CNTN3: variants seen among roughly 807,000 people sequenced by gnomAD.
CNTN3 encodes contactin-3.
In CNTN3, 60 loss-of-function variants were observed where a neutral mutation model predicts 119.1. The observed-to-expected ratio is 0.50, with a 90% CI of 0.41 to 0.62. The LOEUF is 0.62. Ranked by LOEUF, CNTN3 falls within the 20% of genes least tolerant of loss-of-function variation. The pLI, the probability that CNTN3 is intolerant of heterozygous loss-of-function variation, is 0.00. For missense variants in CNTN3, 1,101 were observed against 1,242.4 expected (o/e 0.89, Z 1.71); for synonymous variants, 450 against 438.7 (o/e 1.03, Z -0.32).
chr3:74,299,518 A>G (rs770372359), intron 17 of CNTN3, among the ~76,000 whole-genome samples: 1 of 152,218 alleles, frequency 6.6e-6, no homozygotes, highest in Non-Finnish European at 1.5e-5. Flanking sequence ...ATGTCTACCA[A>G]CCAGGTGACC....
rs550648513 is a variant in CNTN3, at chr3:74,327,259, G to C, written c.1668+7476C>G. 3.3e-5 allele frequency among the ~76,000 whole-genome samples: 5 copies of C among 151,944 alleles called. No individual in the cohort carries two copies. In the South Asian group the frequency reaches 1.0e-3, roughly 32 times the overall value. ...TTGTCCTGGCTCAGCCTCTCGAGTA[G>C]CTGTGATTACAGGCATGTGCCACCA... On this transcript the variant is annotated intron_variant, in intron 13 of 22. Transcript: ENST00000263665.
intron 1 of CNTN3, among the ~76,000 whole-genome samples, chr3:74,546,228 C>A (rs759906181): frequency 1.3e-5 from 2 of 152,162 alleles, no homozygotes; most frequent in Admixed American, 6.5e-5. Flanking sequence ...ATCTCTTGAC[C>A]TCATGATCAG....
chr3:74,570,099 G>A (rs1232910740), intron 1 of CNTN3, among the ~76,000 whole-genome samples: 2 of 152,086 alleles, frequency 1.3e-5, no homozygotes, highest in East Asian at 1.9e-4. Context: ...ACAAGGGTGG[G>A]CTTGCCTGGA....
intron 13 of CNTN3, among the ~76,000 whole-genome samples, chr3:74,331,223 A>G (rs1703256691): frequency 1.3e-5 from 2 of 152,068 alleles, no homozygotes; most frequent in African/African-American, 4.8e-5. Context: ...CTTTTTGAAA[A>G]TCCTTTATGC....
At chr3:74,524,311 T>C (rs1703584750) in intron 1 of CNTN3, among the ~76,000 whole-genome samples, 1 of 151,838 alleles carries the variant, frequency 6.6e-6, no homozygotes, top group Non-Finnish European at 1.5e-5. Flanking sequence ...GTGGAGGTGG[T>C]GATGAGATTG....
chr3:74,371,211 C>T lies in CNTN3; in HGVS notation c.643G>A (p.Val215Met). 1.2e-6 allele frequency: 2 copies of T among 1,613,002 alleles called. No individual in the cohort carries two copies. The highest frequency in any genetic ancestry group is 1.7e-6 in the Non-Finnish European group (2 of 1,179,330). ...GTTTCATTACCATCAGAACGTAGCA[C>T]CAAAGGAGTTGGAGAGCCCAGCACT... ...ARVLGSPTPLVLRSDGVMGEY... is the reference protein window; with the variant it reads ...ARVLGSPTPLMLRSDGVMGEY... Residue 215 changes from valine to methionine, a missense_variant, in exon 6 of 23, where the codon GTG (valine) becomes ATG (methionine). By Grantham distance (21) the Val-to-Met change is conservative. Coordinates refer to ENST00000263665, the MANE Select transcript of CNTN3 (RefSeq NM_020872.3).
At chr3:74,285,259 T>C (rs770319731) in intron 20 of CNTN3, 46 bp downstream of exon 20, 2 of 1,533,404 alleles carry the variant, frequency 1.3e-6, no homozygotes, top group Non-Finnish European at 1.8e-6. Context: ...TCCTTTTTAA[T>C]GCAAACTATT....
chr3:74,272,330 A>C (rs1479430565), intron 20 of CNTN3, among the ~76,000 whole-genome samples: 1 of 152,224 alleles, frequency 6.6e-6, no homozygotes, highest in Admixed American at 6.5e-5. Flanking sequence ...CAAGTGGGGC[A>C]GATTTTCAAA....
At chr3:74,411,345 C>A (rs975242306) in intron 5 of CNTN3, among the ~76,000 whole-genome samples, 1 of 152,084 alleles carries the variant, frequency 6.6e-6, no homozygotes, top group Admixed American at 6.6e-5. Flanking sequence ...TACTGGTGAA[C>A]CCTATCTTTA....
intron 13 of CNTN3, among the ~76,000 whole-genome samples, chr3:74,325,954 C>T (rs1446047355): frequency 3.9e-5 from 6 of 152,130 alleles, no homozygotes; most frequent in South Asian, 4.1e-4. Context: ...GTGCTATTAA[C>T]TATTCTTATC....
At chr3:74,464,612 G>A (rs1041544828) in intron 4 of CNTN3, among the ~76,000 whole-genome samples, 6 of 152,050 alleles carry the variant, frequency 3.9e-5, no homozygotes, top group Non-Finnish European at 7.4e-5. Context: ...TCCAGTAGGT[G>A]GCATCTGAAA....
chr3:74,425,935 G>A (rs919450878), intron 4 of CNTN3, among the ~76,000 whole-genome samples: 3 of 151,796 alleles, frequency 2.0e-5, no homozygotes, highest in South Asian at 2.1e-4. Context: ...TATTTATAGC[G>A]GCTAAAAATA....
At chr3:74,343,801 G>T (rs572947732) in intron 11 of CNTN3, among the ~76,000 whole-genome samples, 5 of 152,292 alleles carry the variant, frequency 3.3e-5, no homozygotes, top group African/African-American at 1.2e-4. Context: ...ATCAGATTAG[G>T]TCTGGGATGG....
At chr3:74,416,540 G>A (rs4073942) in intron 5 of CNTN3, among the ~76,000 whole-genome samples, 62,441 of 152,010 alleles carry the variant, frequency 0.41, 14,670 homozygotes, top group East Asian at 0.62. Context: ...GTGTGAGTGT[G>A]ATTGTAGCAG....
At chr3:74,591,659 G>A (rs1044200023) in intron 1 of CNTN3, among the ~76,000 whole-genome samples, 14 of 151,858 alleles carry the variant, frequency 9.2e-5, no homozygotes, top group African/African-American at 3.1e-4. Context: ...GTGGCCTGGA[G>A]AGGTGAGGAA....
intron 19 of CNTN3, among the ~76,000 whole-genome samples, chr3:74,294,890 G>A (rs1236709172): frequency 6.6e-6 from 1 of 152,104 alleles, no homozygotes; most frequent in Non-Finnish European, 1.5e-5. Context: ...CACGTGATAC[G>A]TGATTTCCTT....
At chr3:74,499,548 G>C in intron 3 of CNTN3, 111 bp downstream of exon 3, 1 of 922,196 alleles carries the variant, frequency 1.1e-6, no homozygotes, top group Non-Finnish European at 1.6e-6. Flanking sequence ...ATAGCTTCAC[G>C]TATTTTTTTC....
rs951684556 is a variant in CNTN3, at chr3:74,614,426, G to A, written c.-116C>T. On this transcript the variant is annotated 5_prime_UTR_variant, in exon 1 of 23. Coordinates refer to ENST00000263665, the MANE Select transcript of CNTN3 (RefSeq NM_020872.3). Reference sequence around the variant, plus strand: ...CAGCTCGCCAGACGCCCGCCCCGACGGCCCACTCGCCGCCGCCGCCGCCGC... The same window carrying A: ...CAGCTCGCCAGACGCCCGCCCCGACAGCCCACTCGCCGCCGCCGCCGCCGC... 1.3e-4 allele frequency among the ~76,000 whole-genome samples: 18 copies of A among 141,840 alleles called. No homozygotes were observed. The highest frequency in any genetic ancestry group is 2.0e-4 in the East Asian group (1 of 4,940). The allele number at this position is 141,840 out of a possible 152,430, so 93.1% of individuals were successfully genotyped here. A position where few individuals can be genotyped will look rare whatever the true frequency, so the allele number is the denominator to read the frequency against.
chr3:74,334,152 C>T lies in CNTN3; in HGVS notation c.1668+583G>A, dbSNP rs116795424. Among the ~76,000 whole-genome samples the T allele has an allele frequency of 1.6e-3, 243 of 152,266 alleles. 1 individual carries two copies. The highest frequency in any genetic ancestry group is 5.6e-3 in the African/African-American group (233 of 41,558). On this transcript the variant is annotated intron_variant, in intron 13 of 22. Transcript: ENST00000263665. ...CACAAAAGAAGAGACAGAATGGAAA[C>T]ATTAGAAAGCATTTGTGTTGTGGAA...
Sources: allele counts gnomAD v4.1 joint callset (sites outside exome capture counted in the v4.1 genomes callset), GRCh38; gene constraint gnomAD v4.1.1; transcripts MANE v1.5; gene names NCBI Gene and HGNC (gene_info 2026-07-23, HGNC 2026-07-21).